The following MS4A4E variants were observed in gnomAD, a reference collection of about 807,000 sequenced individuals.
MS4A4E encodes the protein putative membrane-spanning 4-domains subfamily A member 4E.
In MS4A4E, 23 loss-of-function variants were observed where a neutral mutation model predicts 13.3. The ratio of observed to expected loss-of-function variants is 1.73; its 90% CI spans 1.25 to 2.45. The LOEUF (loss-of-function observed/expected upper bound fraction) is 2.45, where lower values mean the gene tolerates loss of function less well. MS4A4E is among the 30% of genes most tolerant of loss of function. The pLI is 0.00. For missense variants in MS4A4E, 144 were observed against 131.2 expected, an observed-to-expected ratio of 1.10 and a Z score of -0.48; for synonymous variants, 36 against 45.6, an observed-to-expected ratio of 0.79 and a Z score of 0.85.
chr11:60,222,341 G>C (rs1458359543), intron 3 of MS4A4E, among the ~76,000 whole-genome samples: 1 of 152,186 alleles, frequency 6.6e-6, no homozygotes, highest in Non-Finnish European at 1.5e-5. Context: ...GTTGGCTAAA[G>C]AAATGCGGCA....
At chr11:60,220,216 G>C (rs1249036491) in intron 3 of MS4A4E, among the ~76,000 whole-genome samples, 1 of 152,220 alleles carries the variant, frequency 6.6e-6, no homozygotes, top group Non-Finnish European at 1.5e-5. Flanking sequence ...CATTTGGCCA[G>C]TGCAGAAGAC....
intron 1 of MS4A4E, among the ~76,000 whole-genome samples, chr11:60,232,321 A>ACACACACAC (rs556719466): frequency 6.8e-6 from 1 of 147,324 alleles, no homozygotes; most frequent in Non-Finnish European, 1.5e-5. Flanking sequence ...ACACACACAC[A>ACACACACAC]CCAAAAATGA....
At chr11:60,211,011 T>C (rs1302785611) in intron 5 of MS4A4E, among the ~76,000 whole-genome samples, 4 of 152,238 alleles carry the variant, frequency 2.6e-5, no homozygotes, top group African/African-American at 9.6e-5. Flanking sequence ...CTTCTAACTC[T>C]GAGGTCCTGA....
At chr11:60,230,321 G>A (rs904622954) in intron 1 of MS4A4E, among the ~76,000 whole-genome samples, 10 of 152,004 alleles carry the variant, frequency 6.6e-5, no homozygotes, top group African/African-American at 2.4e-4. Flanking sequence ...ACAGAAGTGA[G>A]GTAAATTAGA....
At chr11:60,235,951 TA>T (rs1565129826) in intron 1 of MS4A4E, among the ~76,000 whole-genome samples, 1 of 152,228 alleles carries the variant, frequency 6.6e-6, no homozygotes, top group Non-Finnish European at 1.5e-5. Flanking sequence ...TTGTTTGGTG[TA>T]AGAAAGTGTC....
intron 3 of MS4A4E, chr11:60,225,013 T>C (rs2134953780): frequency 2.6e-6 from 4 of 1,547,316 alleles, no homozygotes; most frequent in Non-Finnish European, 2.6e-6. Context: ...AAATGGGATG[T>C]TCTTCATAAG....
At position 60,214,553 on chromosome 11, in the gene MS4A4E, C is replaced by A; in HGVS notation, c.222+18G>T. 1 of 1,496,692 alleles carries A rather than the reference C, an allele frequency of 6.7e-7. No individual in the cohort carries two copies. The allele number at this position is 1,496,692 out of a possible 1,614,324, so 92.7% of individuals were successfully genotyped here. ...ATTAATCCTTTCCTTTTGATACCCC[C>A]CACAAAACATTACTCACCAGACCTT... On this transcript the variant is annotated intron_variant, in intron 4 of 8. Coordinates refer to ENST00000651255, the MANE Select transcript of MS4A4E (RefSeq NM_001393391.1).
intron 1 of MS4A4E, among the ~76,000 whole-genome samples, chr11:60,239,632 T>G (rs951357052): frequency 1.3e-5 from 2 of 152,210 alleles, no homozygotes; most frequent in Non-Finnish European, 2.9e-5. Flanking sequence ...TTGTTTTTGC[T>G]CTCATGGACT....
At chr11:60,211,210 T>A (rs2084117317) in intron 5 of MS4A4E, among the ~76,000 whole-genome samples, 1 of 152,236 alleles carries the variant, frequency 6.6e-6, no homozygotes, top group Non-Finnish European at 1.5e-5. Flanking sequence ...TACAATTGAA[T>A]CTTGCTTTTG....
chr11:60,229,342 A>T (rs1435569864), intron 2 of MS4A4E, among the ~76,000 whole-genome samples: 4 of 152,262 alleles, frequency 2.6e-5, no homozygotes, highest in African/African-American at 4.8e-5. Context: ...AGGAATCCAA[A>T]GAATCCACAG....
At chr11:60,222,110 G>T (rs780471680) in intron 3 of MS4A4E, among the ~76,000 whole-genome samples, 3 of 152,230 alleles carry the variant, frequency 2.0e-5, no homozygotes, top group Non-Finnish European at 4.4e-5. Flanking sequence ...TCCTCGGAAT[G>T]ATCAGCCAGC....
chr11:60,222,876 C>T (rs1429721721), intron 3 of MS4A4E, among the ~76,000 whole-genome samples: 2 of 152,144 alleles, frequency 1.3e-5, no homozygotes, highest in Non-Finnish European at 2.9e-5. Flanking sequence ...TCTACTACTC[C>T]ACAATGGAGG....
intron 3 of MS4A4E, among the ~76,000 whole-genome samples, chr11:60,221,788 C>T (rs1017082471): frequency 3.9e-5 from 6 of 152,140 alleles, no homozygotes; most frequent in South Asian, 2.1e-4. Context: ...TGGACCTCTC[C>T]GAGTGGTCAA....
At position 60,223,222 on chromosome 11, in the gene MS4A4E, G is replaced by A. The variant is rs551152949; in HGVS notation, c.178+5372C>T. 2.0e-5 allele frequency among the ~76,000 whole-genome samples: 3 copies of A among 152,090 alleles called. No homozygotes were observed. The South Asian group carries it at 6.2e-4, about 32-fold the overall frequency. ...CTTCTTTTGTTAAGAACATGTTTGT[G>A]CATGTATACATTTGTAGTAAGAAAA... On this transcript the variant is annotated intron_variant, in intron 3 of 8. Transcript: ENST00000651255.
chr11:60,225,005 A>G (rs2084322542), intron 3 of MS4A4E: 1 of 1,543,598 alleles, frequency 6.5e-7, no homozygotes, highest in Non-Finnish European at 8.7e-7. Flanking sequence ...ATACACAAAA[A>G]TGGGATGTTC....
rs375747232 is a variant in MS4A4E at position 60,235,689 on chromosome 11, G to A, written c.-16-5618C>T. On this transcript the variant is annotated intron_variant, in intron 1 of 8. Coordinates refer to ENST00000651255, the MANE Select transcript of MS4A4E (RefSeq NM_001393391.1). ...CAAGTTGGTAAATGATCAAACTATGGGCTTTTTTGTAATGACTTTAAGCCC... is the reference window on the plus strand; with the variant it reads ...CAAGTTGGTAAATGATCAAACTATGAGCTTTTTTGTAATGACTTTAAGCCC... 2.0e-5 allele frequency among the ~76,000 whole-genome samples: 3 copies of A among 152,090 alleles called. No individual in the cohort carries two copies. In the East Asian group the frequency reaches 5.8e-4, roughly 29 times the overall value.
intron 6 of MS4A4E, among the ~76,000 whole-genome samples, chr11:60,206,396 A>T (rs1010710086): frequency 6.7e-6 from 1 of 148,542 alleles, no homozygotes; most frequent in South Asian, 2.1e-4. Flanking sequence ...AGTACTCTCG[A>T]TAAAGGGCCA....
rs541184964 is a variant in MS4A4E, at chr11:60,234,716, A to C, written c.-16-4645T>G. On this transcript the variant is annotated intron_variant, in intron 1 of 8. Transcript: ENST00000651255. ...AAAATTAAAAGCTTAGTACTTCATAAAATTACCTAACCACAAAGGGAGACA... is the reference window on the plus strand; with the variant it reads ...AAAATTAAAAGCTTAGTACTTCATACAATTACCTAACCACAAAGGGAGACA... Among the ~76,000 whole-genome samples, 20 of 152,276 alleles carry C rather than the reference A, an allele frequency of 1.3e-4. 1 individual carries two copies. The highest frequency in any genetic ancestry group is 4.8e-4 in the African/African-American group (20 of 41,562).
chr11:60,240,554 G>A (rs1233703914), intron 1 of MS4A4E, among the ~76,000 whole-genome samples: 5 of 152,102 alleles, frequency 3.3e-5, no homozygotes, highest in Admixed American at 1.3e-4. Context: ...AAAATTTAAT[G>A]TTGTTGATAT....
Sources: gnomAD v4.1 joint callset for allele counts (sites outside exome capture counted in the v4.1 genomes callset) on GRCh38, gnomAD v4.1.1 for gene constraint, MANE v1.5 for transcripts, NCBI Gene and HGNC (gene_info 2026-07-23, HGNC 2026-07-21) for gene names.